SLC30A7: variants seen among roughly 807,000 people sequenced by gnomAD.
SLC30A7 encodes the protein zinc transporter 7.
In SLC30A7, 35 loss-of-function variants were observed where a neutral mutation model predicts 46.0. The ratio of observed to expected loss-of-function variants is 0.76; its 90% CI spans 0.58 to 1.01. SLC30A7 has a LOEUF of 1.01. Among genes scored for constraint, SLC30A7 ranks in the 50% least tolerant of loss-of-function variants. The pLI, the probability that SLC30A7 is intolerant of heterozygous loss-of-function variation, is 0.00. For synonymous variants in SLC30A7, 147 were observed against 157.8 expected (o/e 0.93, Z 0.51); for missense variants, 464 against 451.1 (o/e 1.03, Z -0.26).
chr1:100,958,321 C>T (rs545204895), intron 8 of SLC30A7, among the ~76,000 whole-genome samples: 24 of 152,156 alleles, frequency 1.6e-4, no homozygotes, highest in African/African-American at 3.4e-4. Flanking sequence ...GGACCACAGG[C>T]GCCGGCCATC....
At chr1:100,902,224 G>A (rs1239079892) in intron 2 of SLC30A7, among the ~76,000 whole-genome samples, 1 of 152,130 alleles carries the variant, frequency 6.6e-6, no homozygotes, top group Non-Finnish European at 1.5e-5. Flanking sequence ...AGAAGAGGGA[G>A]TAGTTTTTCA....
the SLC30A7 span, chr1:100,992,741 C>T: frequency 6.2e-7 from 1 of 1,608,240 alleles, no homozygotes; most frequent in African/African-American, 1.3e-5. Context: ...CTTCCTTCCC[C>T]TATAGGCAGA....
At chr1:100,900,503 T>G (rs1364873379) in intron 2 of SLC30A7, among the ~76,000 whole-genome samples, 1 of 152,190 alleles carries the variant, frequency 6.6e-6, no homozygotes, top group African/African-American at 2.4e-5. Flanking sequence ...TAAAATCAAC[T>G]TTTTCCTTCT....
Position 100,896,645 on chromosome 1 carries a change from ACTACT to A in SLC30A7, c.161_165del (p.Leu54ArgfsTer20). 3.7e-6 allele frequency: 6 copies of A among 1,614,082 alleles called. No individual in the cohort carries two copies. Among genetic ancestry groups the A allele is most frequent in the Non-Finnish European group, 5.1e-6 (6 of 1,180,000 alleles). ...TGAACCTCTCTTTCGCTTTTGTGGA[ACTACT>A]CTACGGCATCTGGAGCAACTGGTAA... On this transcript the variant is annotated frameshift_variant, in exon 2 of 11. Coordinates refer to ENST00000357650, the MANE Select transcript of SLC30A7 (RefSeq NM_133496.5). LOFTEE classifies it high-confidence loss of function.
chr1:100,896,850 A>G (rs967628476), intron 2 of SLC30A7, among the ~76,000 whole-genome samples, 179 bp downstream of exon 2: 3 of 152,122 alleles, frequency 2.0e-5, no homozygotes, highest in African/African-American at 7.2e-5. Context: ...GTTCTTGAGT[A>G]AGATCTGGGC....
intron 2 of SLC30A7, among the ~76,000 whole-genome samples, chr1:100,901,278 C>T (rs187191964): frequency 6.6e-6 from 1 of 152,118 alleles, no homozygotes; most frequent in Non-Finnish European, 1.5e-5. Context: ...GCTTATATGT[C>T]TCTTAAGTTG....
At chr1:100,988,267 C>G in the SLC30A7 span, among the ~76,000 whole-genome samples, 35 of 152,276 alleles carry the variant, frequency 2.3e-4, no homozygotes, top group Admixed American at 8.5e-4. Flanking sequence ...CTCTTGAGTT[C>G]TAGCCACGCC....
chr1:100,922,853 TA>T (rs1653031058), intron 8 of SLC30A7, among the ~76,000 whole-genome samples: 1 of 152,166 alleles, frequency 6.6e-6, no homozygotes, highest in Non-Finnish European at 1.5e-5. Flanking sequence ...TAAAGTTATT[TA>T]AAAATTTACA....
intron 2 of SLC30A7, among the ~76,000 whole-genome samples, chr1:100,898,751 A>C (rs768726370): frequency 3.9e-5 from 6 of 152,184 alleles, no homozygotes; most frequent in Admixed American, 2.6e-4. Flanking sequence ...ATTTCTTTAT[A>C]TGACCAGAAG....
downstream of SLC30A7, among the ~76,000 whole-genome samples, chr1:100,985,584 A>G (rs566276702): frequency 1.3e-5 from 2 of 152,370 alleles, no homozygotes; most frequent in South Asian, 2.1e-4. Flanking sequence ...AGATCAATAG[A>G]ACAGCAAGAG....
chr1:100,916,914 A>G (rs1160709918), intron 6 of SLC30A7, among the ~76,000 whole-genome samples: 1 of 151,904 alleles, frequency 6.6e-6, no homozygotes, highest in Admixed American at 6.6e-5. Flanking sequence ...TTATTTATTT[A>G]CCTTTGCTGT....
rs1282198143 is a variant in SLC30A7 at position 100,976,369 on chromosome 1, T to C, written c.*1512T>C. ...AAAGCAGCATTTTATTGAGTTTGAATTATTAAAGGTACAGAGGAAATGTGG... is the reference window on the plus strand; with the variant it reads ...AAAGCAGCATTTTATTGAGTTTGAACTATTAAAGGTACAGAGGAAATGTGG... On this transcript the variant is annotated 3_prime_UTR_variant, in exon 11 of 11. Coordinates refer to ENST00000357650, the MANE Select transcript of SLC30A7 (RefSeq NM_133496.5). 5 of 152,208 alleles carry C rather than the reference T, an allele frequency of 3.3e-5. No individual in the cohort carries two copies. The highest frequency in any genetic ancestry group is 1.2e-4 in the African/African-American group (5 of 41,454). The allele number at this position is 152,208 out of a possible 1,614,324, so 9.4% of individuals were successfully genotyped here.
chr1:100,909,926 A>C (rs1408717396), intron 3 of SLC30A7, among the ~76,000 whole-genome samples: 3 of 151,998 alleles, frequency 2.0e-5, no homozygotes, highest in Admixed American at 6.6e-5. Flanking sequence ...TAGGCTGTGG[A>C]ATGCTGGTTG....
At chr1:100,907,139 T>C (rs1407709143) in intron 3 of SLC30A7, among the ~76,000 whole-genome samples, 174 bp downstream of exon 3, 1 of 152,216 alleles carries the variant, frequency 6.6e-6, no homozygotes, top group African/African-American at 2.4e-5. Context: ...ACCACTTTCA[T>C]GACTTCATGG....
At chr1:100,948,947 G>A (rs962676835) in intron 8 of SLC30A7, among the ~76,000 whole-genome samples, 1 of 152,060 alleles carries the variant, frequency 6.6e-6, no homozygotes. Flanking sequence ...CTTTTTTCAA[G>A]GTTTTTAACT....
At chr1:100,940,472 C>A (rs1201722602) in intron 8 of SLC30A7, among the ~76,000 whole-genome samples, 1 of 152,040 alleles carries the variant, frequency 6.6e-6, no homozygotes, top group Non-Finnish European at 1.5e-5. Flanking sequence ...AGGAAAGTCA[C>A]AAGACACAAT....
intron 8 of SLC30A7, among the ~76,000 whole-genome samples, chr1:100,925,351 A>T (rs185014224): frequency 6.6e-6 from 1 of 152,362 alleles, no homozygotes; most frequent in Non-Finnish European, 1.5e-5. Flanking sequence ...TTTTATTCCA[A>T]GTGCAATGGG....
intron 3 of SLC30A7, among the ~76,000 whole-genome samples, chr1:100,908,470 T>G (rs1401165249): frequency 1.3e-5 from 2 of 152,180 alleles, no homozygotes; most frequent in Non-Finnish European, 2.9e-5. Flanking sequence ...AAAGGAGATG[T>G]GGAGTTCTGT....
At chr1:100,943,813 G>T (rs1437079880) in intron 8 of SLC30A7, among the ~76,000 whole-genome samples, 4 of 152,164 alleles carry the variant, frequency 2.6e-5, no homozygotes, top group Non-Finnish European at 4.4e-5. Flanking sequence ...TGATTTTCAA[G>T]AATATTATTA....
Sources: gnomAD v4.1 joint callset for allele counts (sites outside exome capture counted in the v4.1 genomes callset) on GRCh38, gnomAD v4.1.1 for gene constraint, MANE v1.5 for transcripts, NCBI Gene and HGNC (gene_info 2026-07-23, HGNC 2026-07-21) for gene names.